NYX: variants seen among roughly 807,000 people sequenced by gnomAD.
NYX encodes the protein leucine-rich repeat protein.
For missense variants in NYX, 481 were observed against 485.4 expected (o/e 0.99, Z 0.09); for synonymous variants, 258 against 245.7 (o/e 1.05, Z -0.47).
Position 41,474,060 on chromosome X carries a change from C to A in NYX, c.592C>A (p.Gln198Lys). Residue 198 changes from glutamine (Q) to lysine (K), a missense_variant, in exon 3 of 3, where the codon CAG becomes AAG. Coordinates refer to ENST00000378220, the MANE Select transcript of NYX (RefSeq NM_001378477.3). ...CGAGGCGGTGGCCTCCAGCTCGCTG[C>A]AGGGCCTGCGCCGCCTGCGCTCGCT... The part of the protein sequence containing the change: ...RIEAVASSSL[Q>K]GLRRLRSLSL... 1 of 1,071,656 alleles carries A rather than the reference C, an allele frequency of 9.3e-7. No homozygotes were observed. 88.3% of individuals were successfully genotyped at this position (1,071,656 alleles called of 1,213,427 possible). A position where few individuals can be genotyped will look rare whatever the true frequency, so the allele number is the denominator to read the frequency against.
At chrX:41,473,035 T>C (rs2064368146) in intron 2 of NYX, among the ~76,000 whole-genome samples, 1 of 111,754 alleles carries the variant, frequency 8.9e-6, no homozygotes, top group Non-Finnish European at 1.9e-5. Context: ...TGAGCTCAGG[T>C]GATCTGCCCG....
Position 41,474,069 on chromosome X carries a change from C to G in NYX, c.601C>G (p.Arg201Gly), listed in dbSNP as rs981493309. The change falls in exon 3 of 3, where the codon CGC becomes GGC. Residue 201 changes from arginine to glycine, a missense_variant. Arg to Gly is a moderately radical substitution (Grantham distance 125). Coordinates refer to ENST00000378220, the MANE Select transcript of NYX (RefSeq NM_001378477.3). ...GGCCTCCAGCTCGCTGCAGGGCCTG[C>G]GCCGCCTGCGCTCGCTCAGCCTGCA... ...AVASSSLQGL[R>G]RLRSLSLQAN... The G allele has an allele frequency of 4.6e-6, 5 of 1,078,440 alleles. No individual in the cohort carries two copies. The highest frequency in any genetic ancestry group is 4.8e-6 in the Non-Finnish European group (4 of 837,632). 88.9% of individuals were successfully genotyped at this position (1,078,440 alleles called of 1,213,427 possible). A position where few individuals can be genotyped will look rare whatever the true frequency, so the allele number is the denominator to read the frequency against.
intron 2 of NYX, among the ~76,000 whole-genome samples, chrX:41,459,300 G>A (rs1441340557): frequency 9.0e-6 from 1 of 110,949 alleles, no homozygotes; most frequent in Non-Finnish European, 1.9e-5. Flanking sequence ...ACTCCCAGCA[G>A]CTCTGTTCTA....
At chrX:41,472,479 G>T in intron 2 of NYX, 1 of 750,372 alleles carries the variant, frequency 1.3e-6, no homozygotes. Flanking sequence ...AGGGCGGCTC[G>T]GGCCCGCTGC....
chrX:41,473,281 G>A (rs2064369239), intron 2 of NYX, among the ~76,000 whole-genome samples: 1 of 110,886 alleles, frequency 9.0e-6, no homozygotes, highest in African/African-American at 3.3e-5. Context: ...TAACCGGAAA[G>A]CAAAGGAGCG....
chrX:41,464,670 C>CGT lies in NYX; in HGVS notation c.23-8796_23-8795dup, dbSNP rs768617215. Among the ~76,000 whole-genome samples, 588 of 101,817 alleles carry CGT rather than the reference C, an allele frequency of 5.8e-3. 1 individual carries two copies. Among genetic ancestry groups the CGT allele is most frequent in the South Asian group, 0.017 (35 of 2,118 alleles). 88.4% of individuals were successfully genotyped at this position (101,817 alleles called of 115,157 possible). The stretch of plus-strand genomic sequence containing the variant: ...CTATCTTTGGCTATGATGGGCCGTG[C>CGT]GTGTGTGTGTGTGTGTGTGTGTGTG... On this transcript the variant is annotated intron_variant, in intron 2 of 2. Transcript: ENST00000378220.
At chrX:41,452,802 C>T (rs1279490869) in intron 2 of NYX, among the ~76,000 whole-genome samples, 2 of 111,462 alleles carry the variant, frequency 1.8e-5, no homozygotes, top group Non-Finnish European at 3.8e-5. Context: ...CAGCTCGAAT[C>T]CTTTCTTTCC....
At position 41,473,582 on chromosome X, in the gene NYX, C is replaced by T; in HGVS notation, c.114C>T (p.Gly38=). Residue 38 remains glycine (G), a synonymous_variant, in exon 3 of 3, where the codon GGC becomes GGT. Coordinates refer to ENST00000378220, the MANE Select transcript of NYX (RefSeq NM_001378477.3). ...AACACSTVER[G]CSVRCDRAGL... is the part of the protein sequence containing the mutation. ...GCGCCTGCAGCACCGTGGAGCGCGG[C>T]TGCTCGGTGCGCTGCGACCGCGCGG... 9.9e-7 allele frequency: 1 copy of T among 1,011,959 alleles called. No individual in the cohort carries two copies. The highest frequency in any genetic ancestry group is 4.6e-5 in the East Asian group (1 of 21,885). 83.4% of individuals were successfully genotyped at this position (1,011,959 alleles called of 1,213,427 possible).
chrX:41,450,566 C>A, intron 2 of NYX, among the ~76,000 whole-genome samples: 1 of 108,575 alleles, frequency 9.2e-6, no homozygotes. Context: ...CCACCGTGCC[C>A]CACCAAGATT....
Position 41,474,540 on chromosome X carries a change from G to T in NYX, c.1072G>T (p.Ala358Ser), listed in dbSNP as rs2064381238. ...CGGACGTGTCACCGACGTGCCGTGCGCCTCCCCGGGCTCCGTGGCCGGCCT... is the reference window on the plus strand; with the variant it reads ...CGGACGTGTCACCGACGTGCCGTGCTCCTCCCCGGGCTCCGTGGCCGGCCT... ...GSGRVTDVPCASPGSVAGLDL... is the reference protein window; with the variant it reads ...GSGRVTDVPCSSPGSVAGLDL... Residue 358 changes from alanine to serine, a missense_variant, in exon 3 of 3, where the codon GCC becomes TCC. Ala to Ser is a moderately conservative substitution (Grantham distance 99). Transcript: ENST00000378220. 8.3e-7 allele frequency: 1 copy of T among 1,200,928 alleles called. No homozygotes were observed.
intron 2 of NYX, among the ~76,000 whole-genome samples, chrX:41,451,351 G>A (rs1261585346): frequency 8.9e-6 from 1 of 111,781 alleles, no homozygotes; most frequent in Non-Finnish European, 1.9e-5. Context: ...AGTCACGATA[G>A]GCTGAAACTA....
intron 2 of NYX, among the ~76,000 whole-genome samples, chrX:41,453,994 A>G (rs1292571661): frequency 8.9e-6 from 1 of 112,465 alleles, no homozygotes; most frequent in Non-Finnish European, 1.9e-5. Flanking sequence ...GTAACTCTTT[A>G]TATCACACAG....
At chrX:41,450,892 G>A (rs1235984361) in intron 2 of NYX, among the ~76,000 whole-genome samples, 4 of 98,227 alleles carry the variant, frequency 4.1e-5, no homozygotes, top group Non-Finnish European at 8.1e-5. Flanking sequence ...CGCCATGTTG[G>A]CCAGGCTGGT....
chrX:41,469,252 C>T (rs1351273280), intron 2 of NYX, among the ~76,000 whole-genome samples: 1 of 111,360 alleles, frequency 9.0e-6, no homozygotes, highest in Non-Finnish European at 1.9e-5. Context: ...CAGGTTCCTG[C>T]AGGGACTTGG....
chrX:41,447,701 T>C (rs2064263158), intron 1 of NYX, 148 bp from the exon 2 acceptor site: 1 of 469,769 alleles, frequency 2.1e-6, no homozygotes, highest in Non-Finnish European at 3.8e-6. Context: ...TTGTTACTGG[T>C]TTCCCTTAGC....
In NYX at chrX:41,475,014, G is replaced by C; in HGVS notation, c.*115G>C. ...ATCCCAGTGGAGGGTGGAAGGAACC[G>C]TTTGCCTCCAGAGATGGCCCCAGGG... On this transcript the variant is annotated 3_prime_UTR_variant, in exon 3 of 3. Coordinates refer to ENST00000378220, the MANE Select transcript of NYX (RefSeq NM_001378477.3). 2 of 691,916 alleles carry C rather than the reference G, an allele frequency of 2.9e-6. No individual in the cohort carries two copies. Among genetic ancestry groups the C allele is most frequent in the Non-Finnish European group, 2.2e-6 (1 of 449,413 alleles). The allele number at this position is 691,916 out of a possible 1,213,427, so 57.0% of individuals were successfully genotyped here.
chrX:41,474,769 A>G lies in NYX; in HGVS notation c.1301A>G (p.Asn434Ser), dbSNP rs370654546. The G allele has an allele frequency of 1.7e-5, 20 of 1,191,530 alleles. No homozygotes were observed. In the African/African-American group the frequency reaches 3.2e-4, roughly 19 times the overall value. ...EAANTTGGLA[N>S]ASLSDSLSSR... ...GCCAACACCACTGGGGGGCTGGCCA[A>G]CGCCTCCCTGTCCGACAGCCTCTCC... Residue 434 changes from asparagine (N) to serine (S), a missense_variant, in exon 3 of 3, where the codon AAC (asparagine) becomes AGC (serine). Asn to Ser is a conservative substitution (Grantham distance 46, BLOSUM62 1). Coordinates refer to ENST00000378220, the MANE Select transcript of NYX (RefSeq NM_001378477.3).
At chrX:41,467,916 C>T (rs2064346407) in intron 2 of NYX, among the ~76,000 whole-genome samples, 1 of 111,576 alleles carries the variant, frequency 9.0e-6, no homozygotes, top group African/African-American at 3.3e-5. Flanking sequence ...GCCATAGCCT[C>T]ACAAAGTGCT....
intron 2 of NYX, chrX:41,472,367 T>C: frequency 2.6e-6 from 3 of 1,157,983 alleles, no homozygotes; most frequent in Non-Finnish European, 3.5e-6. Context: ...CACATCCATG[T>C]CGGTGGCTCC....
Sources: gnomAD v4.1 joint callset for allele counts (sites outside exome capture counted in the v4.1 genomes callset) on GRCh38, gnomAD v4.1.1 for gene constraint, MANE v1.5 for transcripts, NCBI Gene and HGNC (gene_info 2026-07-23, HGNC 2026-07-21) for gene names.